RBFOX2: variants seen among roughly 807,000 people sequenced by gnomAD.
RBFOX2 encodes RNA binding protein fox-1 homolog 2.
In RBFOX2, 10 loss-of-function variants were observed where a neutral mutation model predicts 49.1. The ratio of observed to expected loss-of-function variants is 0.20; its 90% CI spans 0.13 to 0.35. The LOEUF (loss-of-function observed/expected upper bound fraction) is 0.35, where lower values mean the gene tolerates loss of function less well. Among genes scored for constraint, RBFOX2 ranks in the 10% least tolerant of loss-of-function variants. The pLI, the probability that RBFOX2 is intolerant of heterozygous loss-of-function variation, is 1.00. For synonymous variants in RBFOX2, 183 were observed against 187.4 expected, an observed-to-expected ratio of 0.98 and a Z score of 0.19; for missense variants, 323 against 486.9, an observed-to-expected ratio of 0.66 and a Z score of 3.17.
intron 8 of RBFOX2, 74 bp downstream of exon 9, chr22:35,761,128 G>C (rs1194622277): frequency 1.9e-6 from 2 of 1,052,078 alleles, no homozygotes; most frequent in East Asian, 6.1e-5. Context: ...ACTGTACTAG[G>C]AAAAAAAAAA....
At chr22:35,806,387 G>A (rs962832615) in intron 2 of RBFOX2, among the ~76,000 whole-genome samples, 1 of 152,080 alleles carries the variant, frequency 6.6e-6, no homozygotes, top group Admixed American at 6.6e-5. Flanking sequence ...GGTATAATAT[G>A]TATGACAATA....
At chr22:36,015,152 A>G (rs2146435787) in intron 1 of RBFOX2, among the ~76,000 whole-genome samples, 1 of 152,246 alleles carries the variant, frequency 6.6e-6, no homozygotes, top group East Asian at 1.9e-4. Context: ...ATTACCTCAA[A>G]GTCTTGGATG....
chr22:35,837,509 G>GCACA (rs560302690), intron 1 of RBFOX2, among the ~76,000 whole-genome samples: 11 of 149,286 alleles, frequency 7.4e-5, no homozygotes, highest in Non-Finnish European at 1.3e-4. Context: ...ACACACATGT[G>GCACA]CACACACACA....
At chr22:35,967,754 A>G (rs1819312882) in intron 1 of RBFOX2, among the ~76,000 whole-genome samples, 1 of 152,170 alleles carries the variant, frequency 6.6e-6, no homozygotes, top group South Asian at 2.1e-4. Context: ...CAGGAGGACA[A>G]AGGCATTTCC....
intron 1 of RBFOX2, among the ~76,000 whole-genome samples, chr22:35,912,358 T>C (rs546252928): frequency 4.7e-4 from 72 of 152,330 alleles, no homozygotes; most frequent in African/African-American, 1.3e-3. Context: ...CTCAAACAGA[T>C]GGTGTGAACA....
intron 2 of RBFOX2, among the ~76,000 whole-genome samples, chr22:35,783,320 A>G (rs1179665763): frequency 6.6e-6 from 1 of 152,178 alleles, no homozygotes; most frequent in African/African-American, 2.4e-5. Flanking sequence ...TTTCCACTCA[A>G]TCACGCTGCC....
chr22:35,739,401 C>T (rs945592775), exon 12 of RBFOX2: 2 of 152,400 alleles, frequency 1.3e-5, no homozygotes, highest in African/African-American at 4.8e-5. Context: ...GCTTTGCAGC[C>T]CTAGCTTACG....
At chr22:35,842,102 A>G (rs553885640), upstream of RBFOX2, among the ~76,000 whole-genome samples, 1 of 152,338 alleles carries the variant, frequency 6.6e-6, no homozygotes, top group Non-Finnish European at 1.5e-5. Flanking sequence ...CACACTGCCA[A>G]TACAACATCA....
intron 2 of RBFOX2, among the ~76,000 whole-genome samples, chr22:35,806,010 A>C (rs1950661414): frequency 6.6e-6 from 1 of 152,220 alleles, no homozygotes; most frequent in Non-Finnish European, 1.5e-5. Context: ...AGCAGACCAC[A>C]GAGGATTTTT....
chr22:35,803,497 G>A (rs937121765), intron 2 of RBFOX2, among the ~76,000 whole-genome samples: 3 of 152,030 alleles, frequency 2.0e-5, no homozygotes, highest in Non-Finnish European at 4.4e-5. Flanking sequence ...GTAACATAGC[G>A]AGACCCTGCC....
At chr22:35,756,233 G>A (rs1402705791) in intron 9 of RBFOX2, 89 bp from the exon 11 acceptor site, 8 of 1,203,150 alleles carry the variant, frequency 6.6e-6, no homozygotes, top group East Asian at 5.8e-5. Flanking sequence ...ATGCACATGC[G>A]CTCTACACAG....
At chr22:35,973,011 A>G (rs762511947) in intron 1 of RBFOX2, among the ~76,000 whole-genome samples, 3 of 152,216 alleles carry the variant, frequency 2.0e-5, no homozygotes, top group Non-Finnish European at 2.9e-5. Flanking sequence ...ATTGATCTCA[A>G]TAAATATTTA....
At chr22:35,790,744 G>C (rs1439910186) in intron 2 of RBFOX2, among the ~76,000 whole-genome samples, 1 of 152,060 alleles carries the variant, frequency 6.6e-6, no homozygotes, top group Non-Finnish European at 1.5e-5. Context: ...GTTTTGGCTG[G>C]GTGCAATGGC....
chr22:35,878,067 C>A (rs1176343117), intron 1 of RBFOX2, among the ~76,000 whole-genome samples: 1 of 151,562 alleles, frequency 6.6e-6, no homozygotes, highest in Admixed American at 6.6e-5. Context: ...CACACACACA[C>A]ACACACACAC....
At chr22:35,836,942 A>G (rs904180145) in intron 1 of RBFOX2, among the ~76,000 whole-genome samples, 8 of 152,260 alleles carry the variant, frequency 5.3e-5, no homozygotes, top group African/African-American at 1.9e-4. Flanking sequence ...GAGATGCAAT[A>G]ATCTGGTCTA....
chr22:35,967,269 G>A (rs1313241602), intron 1 of RBFOX2, among the ~76,000 whole-genome samples: 1 of 151,800 alleles, frequency 6.6e-6, no homozygotes, highest in Non-Finnish European at 1.5e-5. Context: ...TTTTCTTTTA[G>A]AAACTTTCAT....
intron 1 of RBFOX2, among the ~76,000 whole-genome samples, chr22:35,852,319 G>C (rs1328654422): frequency 6.6e-6 from 1 of 151,916 alleles, no homozygotes; most frequent in Non-Finnish European, 1.5e-5. Context: ...ACAGATATGA[G>C]AGGACTATAT....
intron 1 of RBFOX2, among the ~76,000 whole-genome samples, chr22:35,857,882 G>C (rs2042686990): frequency 1.3e-5 from 2 of 152,190 alleles, no homozygotes; most frequent in Admixed American, 6.5e-5. Flanking sequence ...ACAAAAGCCA[G>C]GAATACAGAG....
At chr22:35,836,416 A>C (rs1411860290) in intron 1 of RBFOX2, 1 of 152,312 alleles carries the variant, frequency 6.6e-6, no homozygotes, top group Admixed American at 6.5e-5. Context: ...GCAGCAGCTC[A>C]GGTGAAAGAC....
Sources: gnomAD v4.1 joint callset for allele counts (sites outside exome capture counted in the v4.1 genomes callset) on GRCh38, gnomAD v4.1.1 for gene constraint, MANE v1.5 for transcripts, NCBI Gene and HGNC (gene_info 2026-07-23, HGNC 2026-07-21) for gene names.